PRR12: variants seen among roughly 807,000 people sequenced by gnomAD.
PRR12 encodes proline-rich protein 12.
In PRR12, 12 loss-of-function variants were observed where a neutral mutation model predicts 138.0. That is an observed-to-expected ratio of 0.09 (90% CI 0.06 to 0.14). PRR12 has a LOEUF of 0.14. PRR12 is among the 10% of genes least tolerant of loss of function. PRR12 has a pLI of 1.00. For missense variants in PRR12, 2,692 were observed against 2,861.3 expected, an observed-to-expected ratio of 0.94 and a Z score of 1.35; for synonymous variants, 1,567 against 1,291.7, an observed-to-expected ratio of 1.21 and a Z score of -4.57.
At position 49,614,830 on chromosome 19, in the gene PRR12, C is replaced by T; in HGVS notation, c.4891-46C>T. The T allele has an allele frequency of 6.2e-7, 1 of 1,613,282 alleles. No individual in the cohort carries two copies. Among genetic ancestry groups the T allele is most frequent in the Non-Finnish European group, 8.5e-7 (1 of 1,179,402 alleles). On this transcript the variant is annotated intron_variant, in intron 7 of 13. Transcript: ENST00000418929. This position sits in a 1 kb window ranked among gnomAD's most constrained non-coding sequence, Gnocchi z 5.0. ...GGGCACGGGGGTGTTGGCCATCTGG[C>T]TGGGCAGTGTGAAGAATTTCCTCAT...
chr19:49,614,703 G>T lies in PRR12; in HGVS notation c.4890+54G>T. 1 of 1,503,146 alleles carries T rather than the reference G, an allele frequency of 6.7e-7. No homozygotes were observed. The highest frequency in any genetic ancestry group is 1.2e-5 in the South Asian group (1 of 81,688). 93.1% of individuals were successfully genotyped at this position (1,503,146 alleles called of 1,614,324 possible). ...GGGGGCCCCGGGGCGTGGTATCTAGGAGCTGGGGTTCCCCTTAGTGTGGCT... is the reference window on the plus strand; with the variant it reads ...GGGGGCCCCGGGGCGTGGTATCTAGTAGCTGGGGTTCCCCTTAGTGTGGCT... On this transcript the variant is annotated intron_variant, in intron 7 of 13. Coordinates refer to ENST00000418929, the MANE Select transcript of PRR12 (RefSeq NM_020719.3). This position sits in a 1 kb window ranked among gnomAD's most constrained non-coding sequence, Gnocchi z 5.0.
At position 49,595,813 on chromosome 19, in the gene PRR12, C is replaced by G; in HGVS notation, c.1478C>G (p.Thr493Arg). 6.3e-7 allele frequency: 1 copy of G among 1,598,828 alleles called. No individual in the cohort carries two copies. Among genetic ancestry groups the G allele is most frequent in the South Asian group, 1.1e-5 (1 of 90,122 alleles). ...GGCCCCCCTCCTCCTGGCCTGGCCACATGTCAGAGCTACTCCCCGGACCAG... is the reference window on the plus strand; with the variant it reads ...GGCCCCCCTCCTCCTGGCCTGGCCAGATGTCAGAGCTACTCCCCGGACCAG... ...PSGPPPPGLA[T>R]CQSYSPDQLQ... is the part of the protein sequence containing the mutation. The change falls in exon 4 of 14, where the codon ACA (threonine) becomes AGA (arginine). Residue 493 changes from threonine to arginine, a missense_variant. Coordinates refer to ENST00000418929, the MANE Select transcript of PRR12 (RefSeq NM_020719.3).
Position 49,624,949 on chromosome 19 carries a change from A to C in PRR12, c.5827A>C (p.Lys1943Gln). 1 of 1,597,180 alleles carries C rather than the reference A, an allele frequency of 6.3e-7. No individual in the cohort carries two copies. Among genetic ancestry groups the C allele is most frequent in the Non-Finnish European group, 8.5e-7 (1 of 1,170,402 alleles). Residue 1943 changes from lysine (K) to glutamine (Q), a missense_variant, in exon 12 of 14, where the codon AAG (lysine) becomes CAG (glutamine). Lys to Gln is a moderately conservative substitution (Grantham distance 53). Coordinates refer to ENST00000418929, the MANE Select transcript of PRR12 (RefSeq NM_020719.3). Reference protein sequence around the residue: ...LRPAGEPYNRKTLSKLKRSVV... With the variant: ...LRPAGEPYNRQTLSKLKRSVV... ...GCCTGCTGGGGAACCCTACAACCGC[A>C]AGACGCTCAGCAAGCTCAAGAGGAG... is the stretch of plus-strand genomic sequence containing the variant.
chr19:49,593,555 C>T lies in PRR12; in HGVS notation c.199+116C>T, dbSNP rs1472718785. ...TGGCCGTGGCCCGTGCCGTGGCCCG[C>T]CCCTTGCTGTGTCTCCTCTGATTGG... is the stretch of plus-strand genomic sequence containing the variant. On this transcript the variant is annotated intron_variant, in intron 2 of 13. Coordinates refer to ENST00000418929, the MANE Select transcript of PRR12 (RefSeq NM_020719.3). 2.3e-5 allele frequency: 14 copies of T among 598,968 alleles called. No homozygotes were observed. In the Admixed American group the frequency reaches 3.1e-4, roughly 13 times the overall value. The allele number at this position is 598,968 out of a possible 1,614,324, so 37.1% of individuals were successfully genotyped here. A position where few individuals can be genotyped will look rare whatever the true frequency, so the allele number is the denominator to read the frequency against.
At chr19:49,605,049 C>T (rs1030512752) in intron 6 of PRR12, among the ~76,000 whole-genome samples, 2 of 152,002 alleles carry the variant, frequency 1.3e-5, no homozygotes, top group Non-Finnish European at 2.9e-5. Flanking sequence ...TGGGGTTTCA[C>T]CATGTTGGCC....
At chr19:49,617,738 T>G (rs986187725) in intron 9 of PRR12, among the ~76,000 whole-genome samples, 4 of 152,112 alleles carry the variant, frequency 2.6e-5, no homozygotes, top group African/African-American at 4.8e-5. Flanking sequence ...TAACAGAGAT[T>G]AGAATTAGCG....
In PRR12 at chr19:49,599,472, G is replaced by A. The variant is rs778089431; in HGVS notation, c.3879G>A (p.Lys1293=). Reference sequence around the variant, plus strand: ...TCTTGGACTTCCTCAAGTCAGGCAAGCGCCACCCACCACTCTACCAGGCGG... The same window carrying A: ...TCTTGGACTTCCTCAAGTCAGGCAAACGCCACCCACCACTCTACCAGGCGG... ...ASFLDFLKSG[K]RHPPLYQAGL... Residue 1293 remains lysine, a synonymous_variant, in exon 5 of 14, where the codon AAG becomes AAA. Transcript: ENST00000418929. The surrounding 1 kb of genome is among the most constrained non-coding windows in gnomAD (Gnocchi z 5.0). 5.4e-5 allele frequency: 86 copies of A among 1,601,270 alleles called. No individual in the cohort carries two copies. The highest frequency in any genetic ancestry group is 7.0e-5 in the Non-Finnish European group (82 of 1,174,894).
At position 49,601,646 on chromosome 19, in the gene PRR12, C is replaced by G; in HGVS notation, c.4501C>G (p.Leu1501Val). The change falls in exon 6 of 14, where the codon CTG becomes GTG. Residue 1501 changes from leucine (L) to valine (V), a missense_variant. Leu to Val is a conservative substitution (Grantham distance 32). Transcript: ENST00000418929. ...PTPSSPPPPP[L>V]PPPPPPAMPS... ...GCCCAGCTCACCACCGCCACCGCCG[C>G]TGCCGCCGCCACCTCCACCAGCCAT... 6.5e-7 allele frequency: 1 copy of G among 1,538,084 alleles called. No homozygotes were observed. The highest frequency in any genetic ancestry group is 8.7e-7 in the Non-Finnish European group (1 of 1,145,360).
At chr19:49,593,918 C>T (rs779221687) in intron 2 of PRR12, among the ~76,000 whole-genome samples, 1 of 152,178 alleles carries the variant, frequency 6.6e-6, no homozygotes, top group Non-Finnish European at 1.5e-5. Flanking sequence ...TTGGTTCCCT[C>T]TTCCTAGGGG....
chr19:49,591,688 G>C lies in PRR12; in HGVS notation c.34G>C (p.Asp12His). 6.7e-7 allele frequency: 1 copy of C among 1,500,024 alleles called. No homozygotes were observed. Among genetic ancestry groups the C allele is most frequent in the Non-Finnish European group, 8.9e-7 (1 of 1,126,462 alleles). The allele number at this position is 1,500,024 out of a possible 1,614,324, so 92.9% of individuals were successfully genotyped here. The change falls in exon 1 of 14, where the codon GAC (aspartate) becomes CAC (histidine). Residue 12 changes from aspartate to histidine, a missense_variant. Transcript: ENST00000418929. Reference sequence around the variant, plus strand: ...GAACTACCCCAGCGCCGGCTTCGGGGACCCGCTCGGCGCCGGGGCGGGATG... The same window carrying C: ...GAACTACCCCAGCGCCGGCTTCGGGCACCCGCTCGGCGCCGGGGCGGGATG... Reference protein sequence around the residue: ...DRNYPSAGFGDPLGAGAGWSY... With the variant: ...DRNYPSAGFGHPLGAGAGWSY...
chr19:49,596,982 T>C lies in PRR12; in HGVS notation c.2647T>C (p.Leu883=). ...GGATCCGCCAGGCGCCATGCAGGAATTGCTCGGGGCTCTGGAGCCGCTGCC... is the reference window on the plus strand; with the variant it reads ...GGATCCGCCAGGCGCCATGCAGGAACTGCTCGGGGCTCTGGAGCCGCTGCC... The part of the protein sequence containing the change: ...SLDPPGAMQE[L]LGALEPLPPA... Residue 883 remains leucine (L), a synonymous_variant, in exon 4 of 14, where the codon TTG becomes CTG. Transcript: ENST00000418929. This position sits in a 1 kb window ranked among gnomAD's most constrained non-coding sequence, Gnocchi z 5.6. 1 of 1,557,566 alleles carries C rather than the reference T, an allele frequency of 6.4e-7. No individual in the cohort carries two copies. Among genetic ancestry groups the C allele is most frequent in the Non-Finnish European group, 8.7e-7 (1 of 1,155,108 alleles).
Position 49,625,283 on chromosome 19 carries a change from C to T in PRR12, c.5964+83C>T, listed in dbSNP as rs2080949141. 10 of 1,510,752 alleles carry T rather than the reference C, an allele frequency of 6.6e-6. No homozygotes were observed. Among genetic ancestry groups the T allele is most frequent in the Non-Finnish European group, 8.2e-6 (9 of 1,097,026 alleles). The allele number at this position is 1,510,752 out of a possible 1,614,324, so 93.6% of individuals were successfully genotyped here. ...TGGGATCTGAGGGTCCAAGCCCAGC[C>T]CCATCCTGCCTCAGACCCAAGAGTT... On this transcript the variant is annotated intron_variant, in intron 13 of 13. Coordinates refer to ENST00000418929, the MANE Select transcript of PRR12 (RefSeq NM_020719.3). This position sits in a 1 kb window ranked among gnomAD's most constrained non-coding sequence, Gnocchi z 5.5.
At chr19:49,606,953 C>A (rs75175713) in intron 6 of PRR12, among the ~76,000 whole-genome samples, 6,032 of 151,930 alleles carry the variant, frequency 0.04, 142 homozygotes, top group South Asian at 0.12. Flanking sequence ...ATCACCTGAG[C>A]CATATATGTG....
At position 49,615,982 on chromosome 19, in the gene PRR12, T is replaced by C; in HGVS notation, c.5260T>C (p.Leu1754=). ...KEKVTRGERP[L]RGERATSGRQ... ...GAAGGTGACACGTGGAGAGCGGCCA[T>C]TGCGGGGTGAGCGGGCCACCAGCGG... The change falls in exon 9 of 14, where the codon TTG becomes CTG. Residue 1754 remains leucine (L), a synonymous_variant. Transcript: ENST00000418929. 6.4e-7 allele frequency: 1 copy of C among 1,552,448 alleles called. No individual in the cohort carries two copies. The highest frequency in any genetic ancestry group is 1.2e-5 in the South Asian group (1 of 84,182).
intron 6 of PRR12, among the ~76,000 whole-genome samples, chr19:49,602,942 G>C (rs1490181685): frequency 6.6e-6 from 1 of 152,234 alleles, no homozygotes; most frequent in Admixed American, 6.5e-5. Context: ...TACCGCAGGA[G>C]CTTGAAAACT....
Position 49,596,363 on chromosome 19 carries a change from G to T in PRR12, c.2028G>T (p.Gly676=). 6.3e-7 allele frequency: 1 copy of T among 1,599,862 alleles called. No homozygotes were observed. Among genetic ancestry groups the T allele is most frequent in the Non-Finnish European group, 8.5e-7 (1 of 1,176,356 alleles). The change falls in exon 4 of 14, where the codon GGG becomes GGT. Residue 676 remains glycine (G), a synonymous_variant. Coordinates refer to ENST00000418929, the MANE Select transcript of PRR12 (RefSeq NM_020719.3). This position sits in a 1 kb window ranked among gnomAD's most constrained non-coding sequence, Gnocchi z 5.6. ...CAGATGCCTCTAAGGGACTTGGGGG[G>T]AGTGGCGGGGCCGGGGGACCACCGG... ...GAADASKGLG[G]SGGAGGPPGT... is the part of the protein sequence containing the mutation.
At chr19:49,619,480 T>G (rs947850474) in intron 9 of PRR12, among the ~76,000 whole-genome samples, 12 of 148,792 alleles carry the variant, frequency 8.1e-5, no homozygotes, top group African/African-American at 3.0e-4. Flanking sequence ...GGTGATCCAC[T>G]TGCCTTGGCC....
chr19:49,599,179 G>C lies in PRR12; in HGVS notation c.3679-93G>C. ...TGAATTCTATAAATTCACAGGCTGAGCACCTGTAAATTTGGATTTTTGGGG... is the reference window on the plus strand; with the variant it reads ...TGAATTCTATAAATTCACAGGCTGACCACCTGTAAATTTGGATTTTTGGGG... On this transcript the variant is annotated intron_variant, in intron 4 of 13. Transcript: ENST00000418929. The surrounding 1 kb of genome is among the most constrained non-coding windows in gnomAD (Gnocchi z 5.0). 2 of 1,199,210 alleles carry C rather than the reference G, an allele frequency of 1.7e-6. No individual in the cohort carries two copies. The highest frequency in any genetic ancestry group is 2.3e-6 in the Non-Finnish European group (2 of 881,358). 74.3% of individuals were successfully genotyped at this position (1,199,210 alleles called of 1,614,324 possible).
intron 6 of PRR12, among the ~76,000 whole-genome samples, chr19:49,609,618 AT>A (rs2080855551): frequency 1.4e-5 from 2 of 138,496 alleles, no homozygotes; most frequent in African/African-American, 2.8e-5. Context: ...AAAAAAAAAA[AT>A]TTGTTGGATG....
Sources: gnomAD v4.1 joint callset for allele counts (sites outside exome capture counted in the v4.1 genomes callset) on GRCh38, gnomAD v4.1.1 for gene constraint, Gnocchi (gnomAD v3.1) non-coding constraint, MANE v1.5 for transcripts, NCBI Gene and HGNC (gene_info 2026-07-23, HGNC 2026-07-21) for gene names.